The following TNS3 variants were observed in gnomAD, a reference collection of about 807,000 sequenced individuals.
TNS3 encodes tensin 3, also known as tensin-3.
TNS3 carries 45 observed loss-of-function variants against 140.9 expected under a neutral mutation model. The observed-to-expected ratio is 0.32, with a 90% CI of 0.25 to 0.41. The LOEUF (loss-of-function observed/expected upper bound fraction) is 0.41. Among genes scored for constraint, TNS3 ranks in the 10% least tolerant of loss-of-function variants. The pLI, the probability that TNS3 is intolerant of heterozygous loss-of-function variation, is 1.00. For synonymous variants in TNS3, 815 were observed against 788.4 expected (o/e 1.03, Z -0.56); for missense variants, 1,716 against 1,906.7 (o/e 0.90, Z 1.86).
At chr7:47,427,701 C>T (rs150330234) in intron 9 of TNS3, among the ~76,000 whole-genome samples, 27 of 152,256 alleles carry the variant, frequency 1.8e-4, no homozygotes, top group East Asian at 9.7e-4. Context: ...AAAGTCTCCA[C>T]GATTACAGTT....
At chr7:47,284,410 C>T (rs1785306075) in intron 27 of TNS3, among the ~76,000 whole-genome samples, 1 of 152,192 alleles carries the variant, frequency 6.6e-6, no homozygotes, top group South Asian at 2.1e-4. Flanking sequence ...GTGGCCCGGC[C>T]TCACCTGTGT....
chr7:47,494,458 T>C (rs1331148179), intron 3 of TNS3, among the ~76,000 whole-genome samples: 2 of 152,236 alleles, frequency 1.3e-5, no homozygotes, highest in African/African-American at 2.4e-5. Context: ...CATCACAGTA[T>C]TGCAACCATT....
chr7:47,282,529 C>T (rs1785201532), intron 28 of TNS3, among the ~76,000 whole-genome samples: 1 of 152,154 alleles, frequency 6.6e-6, no homozygotes, highest in African/African-American at 2.4e-5. Context: ...ATGCCCCTGA[C>T]CCTGAGAACA....
intron 13 of TNS3, among the ~76,000 whole-genome samples, chr7:47,402,424 C>T (rs2151357860): frequency 6.6e-6 from 1 of 152,338 alleles, no homozygotes; most frequent in East Asian, 1.9e-4. Flanking sequence ...AATGTTGCCT[C>T]AATTTGCTTT....
At chr7:47,352,137 TCA>T (rs1165320780) in intron 17 of TNS3, among the ~76,000 whole-genome samples, 2 of 151,804 alleles carry the variant, frequency 1.3e-5, no homozygotes, top group South Asian at 2.1e-4. Flanking sequence ...ACTCTTACAC[TCA>T]CACACCCTTG....
At chr7:47,544,931 CAGA>C (rs1422372443) in intron 1 of TNS3, among the ~76,000 whole-genome samples, 1 of 151,766 alleles carries the variant, frequency 6.6e-6, no homozygotes, top group Non-Finnish European at 1.5e-5. Flanking sequence ...TGACTCCAAG[CAGA>C]AGAACCCTGC....
At chr7:47,389,151 A>AGC (rs1792348342) in intron 16 of TNS3, among the ~76,000 whole-genome samples, 2 of 29,450 alleles carry the variant, frequency 6.8e-5, no homozygotes, top group African/African-American at 1.3e-4. Flanking sequence ...GAAGAAGAAG[A>AGC]AGAAGCAGAA....
chr7:47,437,474 TC>T, intron 6 of TNS3, among the ~76,000 whole-genome samples, 161 bp from the exon 7 acceptor site: 1 of 151,826 alleles, frequency 6.6e-6, no homozygotes, highest in South Asian at 2.1e-4. Context: ...TTTAGACAAA[TC>T]CTTGACATCA....
rs371718847 is a variant in TNS3 at position 47,346,235 on chromosome 7, G to A, written c.2403C>T (p.Asp801=). ...GGAATGGCGGCAGGTTTGGGGCATA[G>A]TCCACACCAGCCTTTCCCCATGCAC... ...SKCAWGKAGV[D]YAPNLPPFPS... The change falls in exon 18 of 31, where the codon GAC becomes GAT. Residue 801 remains aspartate (D), a synonymous_variant. Transcript: ENST00000311160. 116 of 1,614,080 alleles carry A rather than the reference G, an allele frequency of 7.2e-5. No individual in the cohort carries two copies. The highest frequency in any genetic ancestry group is 9.5e-5 in the Non-Finnish European group (112 of 1,180,046).
At chr7:47,576,102 T>G (rs1267245260) in intron 1 of TNS3, among the ~76,000 whole-genome samples, 1 of 151,920 alleles carries the variant, frequency 6.6e-6, no homozygotes, top group African/African-American at 2.4e-5. Context: ...GGAGAAAAAC[T>G]CATCTCTATC....
At chr7:47,558,017 G>A (rs940628296) in intron 1 of TNS3, among the ~76,000 whole-genome samples, 5 of 152,144 alleles carry the variant, frequency 3.3e-5, no homozygotes, top group African/African-American at 7.2e-5. Flanking sequence ...GACAAATGAC[G>A]AGAACTTCTG....
At chr7:47,363,788 T>A (rs532716975) in intron 17 of TNS3, among the ~76,000 whole-genome samples, 3 of 152,194 alleles carry the variant, frequency 2.0e-5, no homozygotes, top group Non-Finnish European at 2.9e-5. Context: ...CTGAACCTCA[T>A]GCACACAGAT....
chr7:47,448,666 G>C (rs1183561124), intron 4 of TNS3, among the ~76,000 whole-genome samples: 2 of 152,060 alleles, frequency 1.3e-5, no homozygotes, highest in Non-Finnish European at 2.9e-5. Context: ...TTTTAGTAGA[G>C]ACAGGGCTTC....
chr7:47,470,962 T>C (rs1410706058), intron 4 of TNS3, among the ~76,000 whole-genome samples: 1 of 151,034 alleles, frequency 6.6e-6, no homozygotes, highest in Non-Finnish European at 1.5e-5. Flanking sequence ...TTTTTTTTAA[T>C]GTGTTGAAGG....
At chr7:47,356,795 G>T (rs368294545) in intron 17 of TNS3, among the ~76,000 whole-genome samples, 2 of 152,014 alleles carry the variant, frequency 1.3e-5, no homozygotes, top group African/African-American at 4.8e-5. Context: ...AAAAAACAGG[G>T]GCCGGGCACA....
chr7:47,572,298 A>T (rs1800575474), intron 1 of TNS3, among the ~76,000 whole-genome samples: 1 of 152,236 alleles, frequency 6.6e-6, no homozygotes, highest in Non-Finnish European at 1.5e-5. Context: ...GGCAACGCCT[A>T]GGTCGGGATC....
chr7:47,339,164 T>C (rs1476177202), intron 20 of TNS3, among the ~76,000 whole-genome samples: 1 of 152,224 alleles, frequency 6.6e-6, no homozygotes, highest in Non-Finnish European at 1.5e-5. Context: ...TTGTCTTTTT[T>C]ATCCTCTTCA....
At chr7:47,412,511 G>A (rs1793829700) in intron 12 of TNS3, among the ~76,000 whole-genome samples, 4 of 152,152 alleles carry the variant, frequency 2.6e-5, no homozygotes, top group Admixed American at 1.3e-4. Context: ...CCAGCTACTC[G>A]GGAGGCTGAA....
intron 24 of TNS3, among the ~76,000 whole-genome samples, chr7:47,295,682 G>A (rs745336253): frequency 7.3e-4 from 111 of 152,060 alleles, no homozygotes; most frequent in Non-Finnish European, 1.4e-3. Flanking sequence ...ACTGAGCCCC[G>A]GGTCTTTCCC....
Sources: gnomAD v4.1 joint callset for allele counts (sites outside exome capture counted in the v4.1 genomes callset) on GRCh38, gnomAD v4.1.1 for gene constraint, MANE v1.5 for transcripts, NCBI Gene and HGNC (gene_info 2026-07-23, HGNC 2026-07-21) for gene names.